PDE4D: variants seen among roughly 807,000 people sequenced by gnomAD.
PDE4D encodes the protein phosphodiesterase 4D, also known as 3',5'-cyclic-AMP phosphodiesterase 4D.
In PDE4D, 24 loss-of-function variants were observed where a neutral mutation model predicts 87.4. That is an observed-to-expected ratio of 0.27 (90% CI 0.20 to 0.39). PDE4D has a LOEUF of 0.39. PDE4D is among the 10% of genes least tolerant of loss of function. The pLI is 1.00. For missense variants in PDE4D, 714 were observed against 1,041.0 expected (o/e 0.69, Z 4.32); for synonymous variants, 384 against 383.2 (o/e 1.00, Z -0.02).
At chr5:59,269,812 TA>T (rs1197072593) in intron 1 of PDE4D, among the ~76,000 whole-genome samples, 1 of 152,062 alleles carries the variant, frequency 6.6e-6, no homozygotes, top group Non-Finnish European at 1.5e-5. Flanking sequence ...ATTTTATATC[TA>T]AAAATTACAG....
chr5:60,009,425 T>C (rs1222873994), intron 2 of PDE4D, among the ~76,000 whole-genome samples: 1 of 152,004 alleles, frequency 6.6e-6, no homozygotes, highest in Non-Finnish European at 1.5e-5. Context: ...GTGCCTATAT[T>C]AGGCACTGGA....
intron 1 of PDE4D, among the ~76,000 whole-genome samples, chr5:59,321,875 C>T (rs1774792194): frequency 6.6e-6 from 1 of 152,100 alleles, no homozygotes; most frequent in Admixed American, 6.6e-5. Flanking sequence ...CACTTGTGCA[C>T]ACACACTATA....
chr5:59,554,957 G>T (rs539038184), intron 1 of PDE4D, among the ~76,000 whole-genome samples: 5 of 152,066 alleles, frequency 3.3e-5, no homozygotes, highest in African/African-American at 4.8e-5. Context: ...ATCTGAAAAG[G>T]CTAAAAACAG....
chr5:59,209,555 T>C (rs1749627369), intron 2 of PDE4D, among the ~76,000 whole-genome samples: 1 of 152,214 alleles, frequency 6.6e-6, no homozygotes, highest in African/African-American at 2.4e-5. Flanking sequence ...TCTCAGTACA[T>C]GGTGCCCTTA....
intron 5 of PDE4D, among the ~76,000 whole-genome samples, chr5:59,117,548 C>G (rs185308177): frequency 8.0e-4 from 122 of 152,246 alleles, no homozygotes; most frequent in African/African-American, 2.5e-3. Context: ...CTTACTTCCC[C>G]CTGGAGCATT....
At chr5:59,463,003 T>A (rs546551265) in intron 1 of PDE4D, among the ~76,000 whole-genome samples, 42 of 152,306 alleles carry the variant, frequency 2.8e-4, no homozygotes, top group African/African-American at 9.9e-4. Flanking sequence ...CCTTTACATA[T>A]AATCTTGTAA....
At chr5:59,190,038 T>G (rs1233012534) in intron 3 of PDE4D, among the ~76,000 whole-genome samples, 2 of 152,218 alleles carry the variant, frequency 1.3e-5, no homozygotes, top group African/African-American at 4.8e-5. Context: ...CACGGCTTCC[T>G]AAATTCTCCT....
intron 1 of PDE4D, among the ~76,000 whole-genome samples, chr5:59,287,686 C>A (rs1327616851): frequency 6.6e-6 from 1 of 151,598 alleles, no homozygotes; most frequent in Non-Finnish European, 1.5e-5. Context: ...TTGTGTTACC[C>A]CTCCCCCAGA....
chr5:60,459,957 TTCATCA>T, intron 1 of PDE4D: 2 of 760,038 alleles, frequency 2.6e-6, no homozygotes, highest in South Asian at 1.5e-5. Flanking sequence ...CTTCCTCCTC[TTCATCA>T]TCATCATCAT....
intron 1 of PDE4D, among the ~76,000 whole-genome samples, chr5:59,512,063 TAAC>T (rs1272013580): frequency 1.3e-5 from 2 of 152,168 alleles, no homozygotes; most frequent in Non-Finnish European, 2.9e-5. Context: ...TACCCAATCT[TAAC>T]ATCTGGTTTT....
chr5:59,649,905 C>CTTTTTTTTT lies in PDE4D; in HGVS notation c.455+243254_455+243262dup, dbSNP rs1156467369. Among the ~76,000 whole-genome samples the CTTTTTTTTT allele has an allele frequency of 8.6e-3, 622 of 72,424 alleles. 59 individuals carry two copies. Among genetic ancestry groups the CTTTTTTTTT allele is most frequent in the African/African-American group, 0.028 (422 of 15,158 alleles). The allele number at this position is 72,424 out of a possible 152,430, so 47.5% of individuals were successfully genotyped here. A position where few individuals can be genotyped will look rare whatever the true frequency, so the allele number is the denominator to read the frequency against. ...GTTAAAATGTTGATAGTTTGTGAAC[C>CTTTTTTTTT]TTTTTTTTTTTTTTTTTTTTTTTTT... On this transcript the variant is annotated intron_variant, in intron 1 of 14. Coordinates refer to ENST00000340635, the MANE Select transcript of PDE4D (RefSeq NM_001104631.2).
At chr5:60,300,479 C>T (rs747009589) in intron 1 of PDE4D, among the ~76,000 whole-genome samples, 5 of 152,102 alleles carry the variant, frequency 3.3e-5, no homozygotes, top group Non-Finnish European at 7.4e-5. Context: ...TTGCCTGTAC[C>T]TATGTCCTGA....
At chr5:60,238,764 T>C (rs1746726896) in intron 1 of PDE4D, among the ~76,000 whole-genome samples, 1 of 152,044 alleles carries the variant, frequency 6.6e-6, no homozygotes, top group Non-Finnish European at 1.5e-5. Context: ...GTTGGTTGTA[T>C]ATACTATAAA....
chr5:59,318,511 C>A (rs140104747), intron 1 of PDE4D, among the ~76,000 whole-genome samples: 3 of 151,954 alleles, frequency 2.0e-5, no homozygotes, highest in African/African-American at 7.2e-5. Context: ...AGAATATATG[C>A]AATAGGGTTA....
rs79523563 is a variant in PDE4D, at chr5:59,310,687, A to C, written c.456-94719T>G. Among the ~76,000 whole-genome samples, 73 of 152,316 alleles carry C rather than the reference A, an allele frequency of 4.8e-4. 1 individual carries two copies. In the East Asian group the frequency reaches 0.013, roughly 27 times the overall value. On this transcript the variant is annotated intron_variant, in intron 1 of 14. Coordinates refer to ENST00000340635, the MANE Select transcript of PDE4D (RefSeq NM_001104631.2). ...GCTGCTGTTTGTGAGACTGTACAAAAGCAGCCTTCCATGAATATCCCTTAT... is the reference window on the plus strand; with the variant it reads ...GCTGCTGTTTGTGAGACTGTACAAACGCAGCCTTCCATGAATATCCCTTAT...
intron 1 of PDE4D, among the ~76,000 whole-genome samples, chr5:60,231,658 T>C (rs1335904658): frequency 1.3e-5 from 2 of 151,790 alleles, no homozygotes; most frequent in Non-Finnish European, 2.9e-5. Flanking sequence ...ATGAAAAAAA[T>C]ACACATTCAA....
chr5:59,854,719 C>G (rs1474230905), intron 1 of PDE4D, among the ~76,000 whole-genome samples: 1 of 151,916 alleles, frequency 6.6e-6, no homozygotes, highest in Non-Finnish European at 1.5e-5. Context: ...AAAGGTATTG[C>G]ACAATTAATA....
chr5:60,127,682 C>T, intron 2 of PDE4D: 3 of 583,366 alleles, frequency 5.1e-6, no homozygotes, highest in Admixed American at 2.9e-5. Flanking sequence ...AGTAAGCAGG[C>T]TGTGAGGGGA....
chr5:60,273,437 A>G (rs1022413133), intron 1 of PDE4D, among the ~76,000 whole-genome samples: 2 of 152,176 alleles, frequency 1.3e-5, no homozygotes, highest in Non-Finnish European at 2.9e-5. Flanking sequence ...TTTTTAAGTC[A>G]TAATAAGGAC....
Sources: allele counts gnomAD v4.1 joint callset (sites outside exome capture counted in the v4.1 genomes callset), GRCh38; gene constraint gnomAD v4.1.1; transcripts MANE v1.5; gene names NCBI Gene and HGNC (gene_info 2026-07-23, HGNC 2026-07-21).